ABCA4: variants seen among roughly 807,000 people sequenced by gnomAD.
The protein encoded by ABCA4 is retinal-specific phospholipid-transporting ATPase ABCA4.
Under a neutral mutation model 263.7 loss-of-function variants are expected in ABCA4, and 196 were observed. The ratio of observed to expected loss-of-function variants is 0.74; its 90% CI spans 0.66 to 0.84. The LOEUF (loss-of-function observed/expected upper bound fraction) is 0.84. Among genes scored for constraint, ABCA4 ranks in the 40% least tolerant of loss-of-function variants. ABCA4 has a pLI of 0.00. For synonymous variants in ABCA4, 1,133 were observed against 1,094.2 expected (o/e 1.04, Z -0.70); for missense variants, 2,792 against 2,855.1 (o/e 0.98, Z 0.50).
At chr1:94,040,203 T>C in intron 23 of ABCA4, 76 bp from the exon 24 acceptor site, 2 of 1,185,226 alleles carry the variant, frequency 1.7e-6, no homozygotes, top group Admixed American at 3.9e-5. Context: ...CCAGCTGCTG[T>C]CACCGCCCGC....
At chr1:93,997,839 C>T (rs377449110) in intron 48 of ABCA4, 22 bp downstream of exon 48, 47 of 1,613,634 alleles carry the variant, frequency 2.9e-5, no homozygotes, top group Middle Eastern at 1.6e-4. Context: ...GCTCAGCTCT[C>T]GGTGCCCCAG....
intron 15 of ABCA4, 85 bp downstream of exon 15, chr1:94,056,516 C>T (rs1327872074): frequency 7.0e-7 from 1 of 1,433,086 alleles, no homozygotes; most frequent in East Asian, 2.4e-5. Flanking sequence ...TGGACCCCCT[C>T]AGAGGGCAGG....
At chr1:94,080,179 C>T (rs529508672) in intron 8 of ABCA4, among the ~76,000 whole-genome samples, 5 of 152,282 alleles carry the variant, frequency 3.3e-5, no homozygotes, top group Non-Finnish European at 5.9e-5. Context: ...TGCTTCCTTG[C>T]GGATCATTCT....
intron 30 of ABCA4, 152 bp downstream of exon 30, chr1:94,029,293 C>A: frequency 2.7e-6 from 2 of 741,872 alleles, no homozygotes; most frequent in South Asian, 2.4e-5. Flanking sequence ...TGTGGGGAGC[C>A]CCTCCCAGAG....
chr1:94,039,834 C>A (rs1660439358), intron 24 of ABCA4, among the ~76,000 whole-genome samples: 1 of 152,146 alleles, frequency 6.6e-6, no homozygotes, highest in Non-Finnish European at 1.5e-5. Flanking sequence ...GGGAGAGGGC[C>A]TTTAGGTGCA....
chr1:94,042,122 A>AAAAG (rs1472695942), intron 22 of ABCA4, among the ~76,000 whole-genome samples: 1 of 144,938 alleles, frequency 6.9e-6, no homozygotes, highest in South Asian at 2.3e-4. Context: ...AAAAAAAAAG[A>AAAAG]AAAGAAAGAA....
chr1:94,111,421 G>A lies in ABCA4; in HGVS notation c.302+17C>T. On this transcript the variant is annotated intron_variant, in intron 3 of 49. Transcript: ENST00000370225. ...GTGCAACTTCCTCCCCTGCATGGTA[G>A]GGATCTCAACACTTACATGGAGTTG... 6.2e-7 allele frequency: 1 copy of A among 1,613,552 alleles called. No individual in the cohort carries two copies. The highest frequency in any genetic ancestry group is 8.5e-7 in the Non-Finnish European group (1 of 1,179,780).
At chr1:94,046,001 G>C in intron 19 of ABCA4, 1 of 453,780 alleles carries the variant, frequency 2.2e-6, no homozygotes, top group Non-Finnish European at 4.4e-6. Flanking sequence ...TGCCTTCCCT[G>C]CCCTGACCTT....
intron 18 of ABCA4, 23 bp from the exon 19 acceptor site, chr1:94,047,116 T>C (rs1410569509): frequency 6.2e-7 from 1 of 1,613,614 alleles, no homozygotes; most frequent in Non-Finnish European, 8.5e-7. Flanking sequence ...AAAATGAACA[T>C]GATGTAAACA....
intron 36 of ABCA4, chr1:94,018,653 T>C (rs1447861929): frequency 4.4e-6 from 2 of 452,620 alleles, no homozygotes; most frequent in Non-Finnish European, 8.9e-6. Context: ...TCACATGAAA[T>C]GGAGGCTCAT....
chr1:94,023,517 C>A, intron 31 of ABCA4, 99 bp from the exon 32 acceptor site: 1 of 1,083,326 alleles, frequency 9.2e-7, no homozygotes, highest in Non-Finnish European at 1.4e-6. Flanking sequence ...AAGTCTCAGT[C>A]TTCAGGGGCA....
intron 6 of ABCA4, among the ~76,000 whole-genome samples, chr1:94,085,213 T>C (rs1661799286): frequency 6.6e-6 from 1 of 152,216 alleles, no homozygotes; most frequent in African/African-American, 2.4e-5. Flanking sequence ...TGATATGTTG[T>C]CTGTGATTTG....
At chr1:94,056,234 G>A (rs1660974056) in intron 15 of ABCA4, among the ~76,000 whole-genome samples, 1 of 152,200 alleles carries the variant, frequency 6.6e-6, no homozygotes, top group African/African-American at 2.4e-5. Context: ...CATCTCTTTA[G>A]ACAGATAGTA....
At position 94,052,568 on chromosome 1, in the gene ABCA4, T is replaced by C. The variant is rs114653845; in HGVS notation, c.2588-870A>G. On this transcript the variant is annotated intron_variant, in intron 16 of 49. Coordinates refer to ENST00000370225, the MANE Select transcript of ABCA4 (RefSeq NM_000350.3). ...GAATAAATGAAAGCTTTAGCTTGGC[T>C]AAAATAAAACTTTTGAATTATGCAC... Among the ~76,000 whole-genome samples, 446 of 152,356 alleles carry C rather than the reference T, an allele frequency of 2.9e-3. 2 individuals carry two copies. Among genetic ancestry groups the C allele is most frequent in the African/African-American group, 0.01 (429 of 41,576 alleles).
intron 8 of ABCA4, 89 bp from the exon 9 acceptor site, chr1:94,079,550 A>G: frequency 1.3e-6 from 2 of 1,572,850 alleles, no homozygotes. Flanking sequence ...CACATGTCTC[A>G]TTCAACTCCA....
At chr1:94,066,133 G>A (rs1170663862) in intron 11 of ABCA4, among the ~76,000 whole-genome samples, 1 of 152,220 alleles carries the variant, frequency 6.6e-6, no homozygotes, top group Non-Finnish European at 1.5e-5. Flanking sequence ...GAGGGTGGGG[G>A]TAGGTGGCAT....
chr1:93,997,366 TCC>T (rs1224958369), intron 48 of ABCA4, among the ~76,000 whole-genome samples: 2 of 151,938 alleles, frequency 1.3e-5, no homozygotes, highest in Non-Finnish European at 2.9e-5. Context: ...CCAGCAATCT[TCC>T]TTCCTCAACC....
chr1:94,033,443 A>G (rs919972754), intron 26 of ABCA4, among the ~76,000 whole-genome samples: 7 of 151,994 alleles, frequency 4.6e-5, no homozygotes, highest in Admixed American at 2.0e-4. Context: ...AAAAAGAAAA[A>G]AAAAAAGAAC....
chr1:94,057,542 A>T (rs187228380), intron 14 of ABCA4, among the ~76,000 whole-genome samples: 100 of 152,336 alleles, frequency 6.6e-4, no homozygotes, highest in African/African-American at 2.3e-3. Context: ...CGTCATCTAT[A>T]CTTGATTTTC....
Sources: gnomAD v4.1 joint callset for allele counts (sites outside exome capture counted in the v4.1 genomes callset) on GRCh38, gnomAD v4.1.1 for gene constraint, MANE v1.5 for transcripts, NCBI Gene and HGNC (gene_info 2026-07-23, HGNC 2026-07-21) for gene names.